Variants in SAXO1 observed in about 807,000 individuals in gnomAD.
The protein encoded by SAXO1 is stabilizer of axonemal microtubules 1, also known as 4930500O09Rik.
In SAXO1, 21 loss-of-function variants were observed where a neutral mutation model predicts 17.5. The ratio of observed to expected loss-of-function variants is 1.20; its 90% confidence interval spans 0.85 to 1.72. The LOEUF (loss-of-function observed/expected upper bound fraction) is 1.72. Among genes scored for constraint, SAXO1 ranks in the 40% most tolerant of loss-of-function variants. The pLI is 0.00. For synonymous variants in SAXO1, 274 were observed against 216.5 expected (o/e 1.27, Z -2.33); for missense variants, 843 against 596.0 (o/e 1.41, Z -4.32).
chr9:19,016,869 A>G (rs1311956842), intron 1 of SAXO1, among the ~76,000 whole-genome samples: 8 of 139,328 alleles, frequency 5.7e-5, no homozygotes, highest in Non-Finnish European at 1.1e-4. Flanking sequence ...AATTCCCACC[A>G]TATTCATCTT....
chr9:18,993,016 T>G (rs1369871349), intron 1 of SAXO1, among the ~76,000 whole-genome samples: 1 of 152,118 alleles, frequency 6.6e-6, no homozygotes, highest in Non-Finnish European at 1.5e-5. Flanking sequence ...GTCAGGCTGG[T>G]CTTGAACTCC....
chr9:19,030,150 A>G (rs1038628782), intron 1 of SAXO1, among the ~76,000 whole-genome samples: 3 of 152,066 alleles, frequency 2.0e-5, no homozygotes, highest in African/African-American at 7.2e-5. Flanking sequence ...AGGAGGAGGG[A>G]ACATAGGTAT....
In SAXO1 at chr9:18,934,802, T is replaced by C. The variant is rs117916208; in HGVS notation, c.422-5747A>G. ...CAGCAACTCTGGATTCTGATCCCCA[T>C]TGGGAGTTGGTTTTACTTGTGTTTA... On this transcript the variant is annotated intron_variant, in intron 3 of 3. Coordinates refer to ENST00000380534, the MANE Select transcript of SAXO1 (RefSeq NM_153707.4). Among the ~76,000 whole-genome samples the C allele has an allele frequency of 5.7e-4, 87 of 152,338 alleles. 1 individual carries two copies. The East Asian group carries it at 8.3e-3, about 15-fold the overall frequency.
intron 1 of SAXO1, among the ~76,000 whole-genome samples, chr9:19,044,318 T>C (rs528761071): frequency 1.3e-5 from 2 of 152,310 alleles, no homozygotes; most frequent in South Asian, 4.1e-4. Flanking sequence ...AAAAAACTTT[T>C]CAATTCTCTT....
At chr9:19,040,394 T>C (rs1836049958) in intron 1 of SAXO1, among the ~76,000 whole-genome samples, 1 of 152,034 alleles carries the variant, frequency 6.6e-6, no homozygotes, top group African/African-American at 2.4e-5. Context: ...CTGAGCACAG[T>C]GTCTCTGGGA....
intron 1 of SAXO1, among the ~76,000 whole-genome samples, chr9:19,003,013 T>C (rs1834339854): frequency 6.6e-6 from 1 of 152,108 alleles, no homozygotes; most frequent in Non-Finnish European, 1.5e-5. Context: ...CAGCCCAAAA[T>C]CTCCTTAAGC....
At chr9:18,981,263 A>G (rs928277174) in intron 1 of SAXO1, among the ~76,000 whole-genome samples, 1 of 152,238 alleles carries the variant, frequency 6.6e-6, no homozygotes, top group Non-Finnish European at 1.5e-5. Context: ...CCCCACTCTT[A>G]GTTATAAAAT....
intron 3 of SAXO1, among the ~76,000 whole-genome samples, chr9:18,940,156 T>G (rs1017798298): frequency 6.6e-6 from 1 of 151,960 alleles, no homozygotes; most frequent in African/African-American, 2.4e-5. Flanking sequence ...GATTAAGACG[T>G]CAATGGACTG....
At chr9:18,984,344 C>T (rs1010434944) in intron 1 of SAXO1, among the ~76,000 whole-genome samples, 5 of 152,216 alleles carry the variant, frequency 3.3e-5, no homozygotes, top group Non-Finnish European at 7.3e-5. Context: ...CTGTCTGAAA[C>T]TTTGAAGCCA....
At chr9:18,991,756 G>A (rs1234096471) in intron 1 of SAXO1, among the ~76,000 whole-genome samples, 1 of 152,074 alleles carries the variant, frequency 6.6e-6, no homozygotes, top group African/African-American at 2.4e-5. Context: ...TAAATGTAAT[G>A]TACTTGAATC....
chr9:19,027,868 G>A, intron 1 of SAXO1: 1 of 1,380,490 alleles, frequency 7.2e-7, no homozygotes, highest in African/African-American at 1.4e-5. Flanking sequence ...TGCTACGCTA[G>A]GGCGGCCTGG....
chr9:19,022,393 T>A (rs948789647), intron 1 of SAXO1, among the ~76,000 whole-genome samples: 1 of 152,230 alleles, frequency 6.6e-6, no homozygotes, highest in African/African-American at 2.4e-5. Context: ...AAGGAACCAA[T>A]TCCAGACACA....
chr9:19,021,356 C>T (rs902467289), intron 1 of SAXO1, among the ~76,000 whole-genome samples: 2 of 152,226 alleles, frequency 1.3e-5, no homozygotes, highest in African/African-American at 4.8e-5. Flanking sequence ...CCGAGAAAGA[C>T]ACATACTCCC....
intron 1 of SAXO1, among the ~76,000 whole-genome samples, chr9:19,043,388 C>A (rs1254060282): frequency 6.6e-6 from 1 of 151,990 alleles, no homozygotes; most frequent in Non-Finnish European, 1.5e-5. Flanking sequence ...AGAATGGTTA[C>A]CAGAGGCTGG....
chr9:18,976,972 TATC>T (rs1310501767), intron 1 of SAXO1, among the ~76,000 whole-genome samples: 1 of 152,190 alleles, frequency 6.6e-6, no homozygotes, highest in Admixed American at 6.5e-5. Flanking sequence ...TCACGGCTGT[TATC>T]ATCATCATCT....
chr9:19,034,187 A>T (rs1331158888), upstream of SAXO1, among the ~76,000 whole-genome samples: 1 of 151,902 alleles, frequency 6.6e-6, no homozygotes, highest in Non-Finnish European at 1.5e-5. Flanking sequence ...ATGCTTCCTA[A>T]CTCTTTCCAT....
At chr9:19,040,062 T>G (rs1390932821) in intron 1 of SAXO1, among the ~76,000 whole-genome samples, 1 of 152,178 alleles carries the variant, frequency 6.6e-6, no homozygotes, top group Non-Finnish European at 1.5e-5. Context: ...TGTTCCAACC[T>G]TATATGTTCC....
rs750511873 is a variant in SAXO1, at chr9:18,941,827, C to T, written c.231G>A (p.Gly77=). The change falls in exon 3 of 4, where the codon GGG becomes GGA. Residue 77 remains glycine, a synonymous_variant. Transcript: ENST00000380534. The stretch of plus-strand genomic sequence containing the variant: ...CCTTCACTGGTGCCACTTTGTGAGG[C>T]CCAAAATCTCTCCTGTAAGGAAGCA... The part of the protein sequence containing the change: ...EGLTTSRRDF[G]PHKVAPVKVH... The T allele has an allele frequency of 6.2e-6, 10 of 1,614,054 alleles. No homozygotes were observed. Among genetic ancestry groups the T allele is most frequent in the Non-Finnish European group, 7.6e-6 (9 of 1,180,026 alleles).
intron 1 of SAXO1, among the ~76,000 whole-genome samples, chr9:19,001,397 G>C (rs1834257427): frequency 6.6e-6 from 1 of 152,106 alleles, no homozygotes; most frequent in Non-Finnish European, 1.5e-5. Context: ...GCCAGGTGCG[G>C]TGGCTCACAC....
Sources: gnomAD v4.1 joint callset for allele counts (sites outside exome capture counted in the v4.1 genomes callset) on GRCh38, gnomAD v4.1.1 for gene constraint, MANE v1.5 for transcripts, NCBI Gene and HGNC (gene_info 2026-07-23, HGNC 2026-07-21) for gene names.